Variants in SV2B observed in about 807,000 individuals in gnomAD.
The protein encoded by SV2B is solute carrier family 22 member B2.
Under a neutral mutation model 73.9 loss-of-function variants are expected in SV2B, and 41 were observed. The observed-to-expected ratio is 0.56, with a 90% CI of 0.43 to 0.72. The LOEUF (loss-of-function observed/expected upper bound fraction) is 0.72. Among genes scored for constraint, SV2B ranks in the 30% least tolerant of loss-of-function variants. SV2B has a pLI of 0.00. For missense variants in SV2B, 764 were observed against 857.8 expected, an observed-to-expected ratio of 0.89 and a Z score of 1.37; for synonymous variants, 314 against 314.2, an observed-to-expected ratio of 1.00 and a Z score of 0.01.
intron 1 of SV2B, among the ~76,000 whole-genome samples, chr15:91,173,878 TTATCTTTTCAGTAC>T (rs1474425431): frequency 1.3e-5 from 2 of 152,216 alleles, no homozygotes; most frequent in Non-Finnish European, 2.9e-5. Flanking sequence ...CTTCCTCTGA[TTATCTTTTCAGTAC>T]TTTGATGCCT....
At chr15:91,198,530 A>G (rs1253784519) in intron 1 of SV2B, among the ~76,000 whole-genome samples, 2 of 150,992 alleles carry the variant, frequency 1.3e-5, no homozygotes, top group East Asian at 3.9e-4. Flanking sequence ...CTGGAGGCAA[A>G]TGAGCACATT....
At position 91,292,370 on chromosome 15, in the gene SV2B, G is replaced by T. The variant is rs758646416; in HGVS notation, c.1870G>T (p.Ala624Ser). 4 of 1,613,576 alleles carry T rather than the reference G, an allele frequency of 2.5e-6. No individual in the cohort carries two copies. The highest frequency in any genetic ancestry group is 3.4e-6 in the Non-Finnish European group (4 of 1,179,674). Residue 624 changes from alanine (A) to serine (S), a missense_variant and splice_region_variant, in exon 13 of 13, where the codon GCA (alanine) becomes TCA (serine). By Grantham distance (99) the Ala-to-Ser change is moderately conservative. Transcript: ENST00000394232. ...TVELYPTNQRATAFGILNGLC... is the reference protein window; with the variant it reads ...TVELYPTNQRSTAFGILNGLC... ...ATTATTTCCATTCCTCTTTTACAGA[G>T]CAACAGCCTTCGGCATTCTCAATGG...
chr15:91,154,174 T>C (rs2043408708), intron 1 of SV2B, among the ~76,000 whole-genome samples: 1 of 147,954 alleles, frequency 6.8e-6, no homozygotes. Context: ...TTATAGATTA[T>C]AAATATAAAT....
chr15:91,290,861 A>G lies in SV2B; in HGVS notation c.1868+1181A>G, dbSNP rs1022654257. 2.0e-5 allele frequency among the ~76,000 whole-genome samples: 3 copies of G among 152,038 alleles called. No individual in the cohort carries two copies. Among genetic ancestry groups the G allele is most frequent in the African/African-American group, 7.2e-5 (3 of 41,404 alleles). ...CCCCTATCTCTACAGAATATATTAG[A>G]CAATTAGCCAGGCATAGTGGCATGT... On this transcript the variant is annotated intron_variant, in intron 12 of 12. Transcript: ENST00000394232. This position sits in a 1 kb window ranked among gnomAD's most constrained non-coding sequence, Gnocchi z 4.7.
chr15:91,167,302 G>A (rs930523446), intron 1 of SV2B, among the ~76,000 whole-genome samples: 1 of 151,872 alleles, frequency 6.6e-6, no homozygotes, highest in Non-Finnish European at 1.5e-5. Context: ...CAGTTTTTTG[G>A]TTTGGGTAAT....
rs1434456426 is a variant in SV2B at position 91,239,032 on chromosome 15, G to T, written c.451+12318G>T. Among the ~76,000 whole-genome samples, 2 of 152,144 alleles carry T rather than the reference G, an allele frequency of 1.3e-5. No individual in the cohort carries two copies. The highest frequency in any genetic ancestry group is 2.4e-5 in the African/African-American group (1 of 41,422). On this transcript the variant is annotated intron_variant, in intron 2 of 12. Coordinates refer to ENST00000394232, the MANE Select transcript of SV2B (RefSeq NM_001323032.3). This position sits in a 1 kb window ranked among gnomAD's most constrained non-coding sequence, Gnocchi z 5.1. Reference sequence around the variant, plus strand: ...ACTGATTTTCACTTTGCAAAGGTTTGATTTTAATTTCAGAGAAGAAAGCTG... The same window carrying T: ...ACTGATTTTCACTTTGCAAAGGTTTTATTTTAATTTCAGAGAAGAAAGCTG...
At chr15:91,135,204 C>A (rs1463324081) in intron 1 of SV2B, among the ~76,000 whole-genome samples, 1 of 152,048 alleles carries the variant, frequency 6.6e-6, no homozygotes. Context: ...TACTGTGGCC[C>A]TTGAGAGGCC....
rs769120708 is a variant in SV2B, at chr15:91,223,676, G to A, written c.-391-2197G>A. On this transcript the variant is annotated intron_variant, in intron 1 of 12. Coordinates refer to ENST00000394232, the MANE Select transcript of SV2B (RefSeq NM_001323032.3). This position sits in a 1 kb window ranked among gnomAD's most constrained non-coding sequence, Gnocchi z 4.6. ...GCTGTTTACATGTGACTTATATTCCGCCGGTGGTCCCTAAATAGATGTAAT... is the reference window on the plus strand; with the variant it reads ...GCTGTTTACATGTGACTTATATTCCACCGGTGGTCCCTAAATAGATGTAAT... Among the ~76,000 whole-genome samples, 10 of 152,230 alleles carry A rather than the reference G, an allele frequency of 6.6e-5. No individual in the cohort carries two copies. Among genetic ancestry groups the A allele is most frequent in the East Asian group, 3.9e-4 (2 of 5,188 alleles).
At chr15:91,208,971 A>T (rs909233745) in intron 1 of SV2B, among the ~76,000 whole-genome samples, 1 of 151,966 alleles carries the variant, frequency 6.6e-6, no homozygotes, top group Non-Finnish European at 1.5e-5. Flanking sequence ...CTTTGGTAAT[A>T]ATTTATTTAT....
In SV2B at chr15:91,284,263, G is replaced by C. The variant is rs765810275; in HGVS notation, c.1708+42G>C. On this transcript the variant is annotated intron_variant, in intron 11 of 12. Transcript: ENST00000394232. The surrounding 1 kb of genome is among the most constrained non-coding windows in gnomAD (Gnocchi z 4.5). ...GTCATTCCTGGGTTCCAACGCGCTG[G>C]GGTGGTGACTTTCAAGTGTATTAAA... 4 of 1,602,656 alleles carry C rather than the reference G, an allele frequency of 2.5e-6. No individual in the cohort carries two copies. Among genetic ancestry groups the C allele is most frequent in the Admixed American group, 3.3e-5 (2 of 59,896 alleles).
At chr15:91,189,204 C>T (rs891243515) in intron 1 of SV2B, among the ~76,000 whole-genome samples, 1 of 151,688 alleles carries the variant, frequency 6.6e-6, no homozygotes, top group African/African-American at 2.4e-5. Flanking sequence ...ACATTTTGTT[C>T]ATGGCACACT....
In SV2B at chr15:91,187,622, A is replaced by G. The variant is rs145302839; in HGVS notation, c.-391-38251A>G. On this transcript the variant is annotated intron_variant, in intron 1 of 12. Coordinates refer to ENST00000394232, the MANE Select transcript of SV2B (RefSeq NM_001323032.3). The stretch of plus-strand genomic sequence containing the variant: ...CAAGTGCTACTTGATGCCTTAGACA[A>G]ATAGTGACAACCTGCAATTCATTCA... Among the ~76,000 whole-genome samples the G allele has an allele frequency of 4.7e-3, 718 of 152,206 alleles. 5 individuals carry two copies. The highest frequency in any genetic ancestry group is 6.2e-3 in the Non-Finnish European group (422 of 68,006).
rs1596696038 is a variant in SV2B, at chr15:91,252,238, T to C, written c.633-131T>C. On this transcript the variant is annotated intron_variant, in intron 3 of 12. Coordinates refer to ENST00000394232, the MANE Select transcript of SV2B (RefSeq NM_001323032.3). The surrounding 1 kb of genome is among the most constrained non-coding windows in gnomAD (Gnocchi z 4.6). ...TTCCCACATGTAGAGAGGAACTAAC[T>C]GGCCGGTCTCTCAAATTCACTGGGT... The C allele has an allele frequency of 7.7e-7, 1 of 1,296,524 alleles. No homozygotes were observed. The highest frequency in any genetic ancestry group is 1.5e-5 in the African/African-American group (1 of 67,500). The allele number at this position is 1,296,524 out of a possible 1,614,324, so 80.3% of individuals were successfully genotyped here. A position where few individuals can be genotyped will look rare whatever the true frequency, so the allele number is the denominator to read the frequency against.
In SV2B at chr15:91,258,671, CTCCCCTGG is replaced by C; in HGVS notation, c.918+120_918+127del. 1 of 1,456,326 alleles carries C rather than the reference CTCCCCTGG, an allele frequency of 6.9e-7. No individual in the cohort carries two copies. 90.2% of individuals were successfully genotyped at this position (1,456,326 alleles called of 1,614,324 possible). A position where few individuals can be genotyped will look rare whatever the true frequency, so the allele number is the denominator to read the frequency against. On this transcript the variant is annotated intron_variant, in intron 5 of 12. Coordinates refer to ENST00000394232, the MANE Select transcript of SV2B (RefSeq NM_001323032.3). This position sits in a 1 kb window ranked among gnomAD's most constrained non-coding sequence, Gnocchi z 4.7. ...CTCTGCTGCTTATGTGTTGCAAACT[CTCCCCTGG>C]TCGGCTGACCTCACTCATCATTGAA... is the stretch of plus-strand genomic sequence containing the variant.
chr15:91,127,919 C>T (rs530616236), intron 1 of SV2B, among the ~76,000 whole-genome samples: 1 of 152,258 alleles, frequency 6.6e-6, no homozygotes, highest in East Asian at 1.9e-4. Flanking sequence ...TCATTATAAG[C>T]ATTAAAGTGA....
At chr15:91,133,617 G>T (rs1454927046) in intron 1 of SV2B, among the ~76,000 whole-genome samples, 2 of 152,164 alleles carry the variant, frequency 1.3e-5, no homozygotes, top group East Asian at 1.9e-4. Flanking sequence ...AGGCGGCAGG[G>T]CTTCCATCCA....
Position 91,251,975 on chromosome 15 carries a change from T to A in SV2B, c.608T>A (p.Phe203Tyr). The A allele has an allele frequency of 1.2e-6, 2 of 1,614,104 alleles. No individual in the cohort carries two copies. The highest frequency in any genetic ancestry group is 1.7e-6 in the Non-Finnish European group (2 of 1,180,000). Residue 203 changes from phenylalanine to tyrosine, a missense_variant, in exon 3 of 13, where the codon TTC becomes TAC. By Grantham distance (22) the Phe-to-Tyr change is conservative (BLOSUM62 3). Coordinates refer to ENST00000394232, the MANE Select transcript of SV2B (RefSeq NM_001323032.3). Reference protein sequence around the residue: ...SFVQGYGAFLFCRLISGIGIG... With the variant: ...SFVQGYGAFLYCRLISGIGIG... ...GTGCAGGGATATGGAGCCTTCCTCT[T>A]CTGCCGACTCATCTCAGGCATCGGG...
rs1230953377 is a variant in SV2B at position 91,229,729 on chromosome 15, A to T, written c.451+3015A>T. ...CAGTGCTCAAGATATCTTAGTTATT[A>T]TTATTGTCGATTGTGGTTGTTCTTA... On this transcript the variant is annotated intron_variant, in intron 2 of 12. Transcript: ENST00000394232. This position sits in a 1 kb window ranked among gnomAD's most constrained non-coding sequence, Gnocchi z 4.3. 6.6e-6 allele frequency among the ~76,000 whole-genome samples: 1 copy of T among 152,198 alleles called. No homozygotes were observed. Among genetic ancestry groups the T allele is most frequent in the African/African-American group, 2.4e-5 (1 of 41,456 alleles).
chr15:91,158,637 TTCTCTTCTCTTCTC>T (rs1567300366), intron 1 of SV2B, among the ~76,000 whole-genome samples: 396 of 38,706 alleles, frequency 0.01, 84 homozygotes, highest in Middle Eastern at 0.03. Flanking sequence ...ATTTTCCCTC[TTCTCTTCTCTTCTC>T]TTCTCTTCTC....
Sources: gnomAD v4.1 joint callset for allele counts (sites outside exome capture counted in the v4.1 genomes callset) on GRCh38, gnomAD v4.1.1 for gene constraint, Gnocchi (gnomAD v3.1) non-coding constraint, MANE v1.5 for transcripts, NCBI Gene and HGNC (gene_info 2026-07-23, HGNC 2026-07-21) for gene names.